The following EIF2B3 variants were observed in gnomAD, a reference collection of about 807,000 sequenced individuals.
The protein encoded by EIF2B3 is translation initiation factor eIF2B subunit gamma.
EIF2B3 carries 20 observed loss-of-function variants against 54.1 expected under a neutral mutation model. The observed-to-expected ratio is 0.37, with a 90% CI of 0.26 to 0.54. The LOEUF is 0.54. EIF2B3 is among the 20% of genes least tolerant of loss of function. EIF2B3 has a pLI of 0.86. For synonymous variants in EIF2B3, 153 were observed against 188.1 expected (o/e 0.81, Z 1.52); for missense variants, 448 against 547.8 (o/e 0.82, Z 1.82).
chr1:44,954,797 G>T (rs1206067918), intron 3 of EIF2B3, among the ~76,000 whole-genome samples: 1 of 152,082 alleles, frequency 6.6e-6, no homozygotes, highest in African/African-American at 2.4e-5. Context: ...TCCTTGTCTT[G>T]TGCTGGTTTT....
intron 5 of EIF2B3, among the ~76,000 whole-genome samples, chr1:44,915,847 A>T (rs1451498080): frequency 6.6e-6 from 1 of 152,238 alleles, no homozygotes; most frequent in Non-Finnish European, 1.5e-5. Flanking sequence ...TGAAGGAAAT[A>T]GTAAACTTAA....
At chr1:44,979,848 C>T (rs895658299) in intron 2 of EIF2B3, among the ~76,000 whole-genome samples, 1 of 151,940 alleles carries the variant, frequency 6.6e-6, no homozygotes, top group African/African-American at 2.4e-5. Context: ...CGCCTGTAGT[C>T]CCAGGTACTC....
intron 3 of EIF2B3, among the ~76,000 whole-genome samples, chr1:44,946,770 A>G (rs1644107205): frequency 6.6e-6 from 1 of 151,816 alleles, no homozygotes; most frequent in African/African-American, 2.4e-5. Flanking sequence ...GCCTGATTTT[A>G]TAAACGCTGT....
intron 3 of EIF2B3, 134 bp from the exon 4 acceptor site, chr1:44,941,799 A>C (rs1399261960): frequency 1.9e-6 from 2 of 1,044,026 alleles, no homozygotes; most frequent in Non-Finnish European, 2.9e-6. Flanking sequence ...ATAGCCAAAC[A>C]AGTAAAATAA....
At chr1:44,851,198 G>A (rs1252447365) in intron 11 of EIF2B3, among the ~76,000 whole-genome samples, 195 bp from the exon 12 acceptor site, 1 of 152,032 alleles carries the variant, frequency 6.6e-6, no homozygotes, top group Non-Finnish European at 1.5e-5. Context: ...CTGAGTAGCT[G>A]GGATTACAGG....
At position 44,851,356 on chromosome 1, in the gene EIF2B3, C is replaced by T. The variant is rs186890711; in HGVS notation, c.1307-353G>A. 7.8e-4 allele frequency among the ~76,000 whole-genome samples: 118 copies of T among 152,152 alleles called. 2 individuals are homozygous for T. Among genetic ancestry groups the T allele is most frequent in the Admixed American group, 7.5e-3 (115 of 15,260 alleles). Reference sequence around the variant, plus strand: ...CTGGGATTACAGGTATGAGCCACCACGCCCAGCCAAACCCAACTGCTTCTA... The same window carrying T: ...CTGGGATTACAGGTATGAGCCACCATGCCCAGCCAAACCCAACTGCTTCTA... On this transcript the variant is annotated intron_variant, in intron 11 of 11. Transcript: ENST00000360403.
Position 44,875,654 on chromosome 1 carries a change from T to C in EIF2B3, c.1017A>G (p.Pro339=), listed in dbSNP as rs1239534591. ...LLSALCPEEP[P]VHSSAQIVSK... is the part of the protein sequence containing the mutation. Reference sequence around the variant, plus strand: ...TGACAATCTGGGCTGACGAATGGACTGGTGGTTCTTCTGGACAGAGAGCAG... The same window carrying C: ...TGACAATCTGGGCTGACGAATGGACCGGTGGTTCTTCTGGACAGAGAGCAG... Residue 339 remains proline (P), a synonymous_variant, in exon 9 of 12, where the codon CCA becomes CCG. Coordinates refer to ENST00000360403, the MANE Select transcript of EIF2B3 (RefSeq NM_020365.5). 6 of 1,614,082 alleles carry C rather than the reference T, an allele frequency of 3.7e-6. No individual in the cohort carries two copies. The highest frequency in any genetic ancestry group is 5.1e-6 in the Non-Finnish European group (6 of 1,180,042).
chr1:44,900,697 A>T (rs767809724), intron 5 of EIF2B3, among the ~76,000 whole-genome samples: 2 of 152,114 alleles, frequency 1.3e-5, no homozygotes, highest in Non-Finnish European at 2.9e-5. Context: ...GCAATCATTA[A>T]TCTGCCTCCT....
intron 2 of EIF2B3, among the ~76,000 whole-genome samples, chr1:44,980,372 G>C (rs1644499907): frequency 6.6e-6 from 1 of 152,094 alleles, no homozygotes; most frequent in Admixed American, 6.6e-5. Context: ...GCTGAGGCAG[G>C]AGAATCACTT....
intron 8 of EIF2B3, among the ~76,000 whole-genome samples, chr1:44,879,528 C>T (rs1482823078): frequency 1.3e-5 from 2 of 152,170 alleles, no homozygotes; most frequent in Non-Finnish European, 2.9e-5. Context: ...TATCCCCATG[C>T]TGAACAGAAC....
intron 8 of EIF2B3, among the ~76,000 whole-genome samples, chr1:44,878,551 C>G (rs946800075): frequency 2.6e-5 from 4 of 152,152 alleles, no homozygotes; most frequent in Non-Finnish European, 5.9e-5. Flanking sequence ...GCGTGAGCCA[C>G]TGTGCCCGGC....
intron 3 of EIF2B3, among the ~76,000 whole-genome samples, chr1:44,960,593 G>C (rs766019040): frequency 6.6e-6 from 1 of 151,678 alleles, no homozygotes; most frequent in Non-Finnish European, 1.5e-5. Context: ...AGCCGAGATC[G>C]CGCCACTGCA....
At position 44,874,798 on chromosome 1, in the gene EIF2B3, T is replaced by C; in HGVS notation, c.1082A>G (p.Glu361Gly). 6.2e-7 allele frequency: 1 copy of C among 1,614,144 alleles called. No homozygotes were observed. The highest frequency in any genetic ancestry group is 8.5e-7 in the Non-Finnish European group (1 of 1,180,024). ...LVGVDSLIGPETQIGEKSSIK... is the reference protein window; with the variant it reads ...LVGVDSLIGPGTQIGEKSSIK... The stretch of plus-strand genomic sequence containing the variant: ...GGATGACTTCTCTCCAATCTGTGTC[T>C]CTGGCCCAATGAGGCTGTCAACTCC... The change falls in exon 10 of 12, where the codon GAG (glutamate) becomes GGG (glycine). Residue 361 changes from glutamate to glycine, a missense_variant. Transcript: ENST00000360403.
At chr1:44,893,585 T>C (rs1379001259) in intron 6 of EIF2B3, among the ~76,000 whole-genome samples, 1 of 152,142 alleles carries the variant, frequency 6.6e-6, no homozygotes, top group Admixed American at 6.6e-5. Context: ...GAGAGAACTA[T>C]TGTAAGAAAT....
At chr1:44,859,849 C>T (rs554338539) in intron 10 of EIF2B3, among the ~76,000 whole-genome samples, 5 of 149,154 alleles carry the variant, frequency 3.4e-5, no homozygotes, top group South Asian at 2.2e-4. Flanking sequence ...CTCTGTCTCC[C>T]GGGTTCAAGC....
intron 3 of EIF2B3, among the ~76,000 whole-genome samples, chr1:44,956,850 T>C (rs952229167): frequency 6.6e-6 from 1 of 152,138 alleles, no homozygotes; most frequent in African/African-American, 2.4e-5. Flanking sequence ...AAAGTGAAAC[T>C]ATACAAGTAC....
intron 6 of EIF2B3, among the ~76,000 whole-genome samples, chr1:44,886,401 T>C (rs1255838547): frequency 5.3e-5 from 8 of 152,210 alleles, no homozygotes; most frequent in Non-Finnish European, 1.5e-5. Flanking sequence ...TAAAGTGTGA[T>C]TTCAAGCATG....
chr1:44,909,698 C>T (rs1024600481), intron 5 of EIF2B3, among the ~76,000 whole-genome samples: 1 of 152,120 alleles, frequency 6.6e-6, no homozygotes, highest in African/African-American at 2.4e-5. Flanking sequence ...GGACAAGATA[C>T]CTTGGGAAAG....
At chr1:44,981,544 G>A (rs1644512653) in intron 1 of EIF2B3, among the ~76,000 whole-genome samples, 1 of 152,156 alleles carries the variant, frequency 6.6e-6, no homozygotes, top group Non-Finnish European at 1.5e-5. Flanking sequence ...AGTTTTCATT[G>A]AAAACACAGA....
Sources: allele counts gnomAD v4.1 joint callset (sites outside exome capture counted in the v4.1 genomes callset), GRCh38; gene constraint gnomAD v4.1.1; transcripts MANE v1.5; gene names NCBI Gene and HGNC (gene_info 2026-07-23, HGNC 2026-07-21).